Variants in DMXL2 observed in about 807,000 individuals in gnomAD.
The protein encoded by DMXL2 is dmX-like protein 2.
Under a neutral mutation model 331.1 loss-of-function variants are expected in DMXL2, and 103 were observed. That is an observed-to-expected ratio of 0.31 (90% CI 0.27 to 0.37). The LOEUF (loss-of-function observed/expected upper bound fraction) is 0.37. Ranked by LOEUF, DMXL2 falls within the 10% of genes least tolerant of loss-of-function variation. The pLI, the probability that DMXL2 is intolerant of heterozygous loss-of-function variation, is 1.00. For synonymous variants in DMXL2, 1,281 were observed against 1,252.1 expected (o/e 1.02, Z -0.49); for missense variants, 3,171 against 3,642.9 (o/e 0.87, Z 3.33).
intron 1 of DMXL2, among the ~76,000 whole-genome samples, chr15:51,596,163 A>T (rs1011677606): frequency 1.3e-5 from 2 of 152,102 alleles, no homozygotes; most frequent in African/African-American, 2.4e-5. Flanking sequence ...ATTTTCGCAA[A>T]CTACTCATCT....
At position 51,449,073 on chromosome 15, in the gene DMXL2, G is replaced by A; in HGVS notation, c.9088C>T (p.Leu3030Phe). ...MQIDIIQGNR[L>F]FSCGADGTLK... ...GTGCCATCTGCACCACAGGAGAAGA[G>A]CCGATTGCCCTGGATGATGTCAATC... is the stretch of plus-strand genomic sequence containing the variant. The change falls in exon 44 of 44, where the codon CTC becomes TTC. Residue 3030 changes from leucine to phenylalanine, a missense_variant. By Grantham distance (22) the Leu-to-Phe change is conservative. Coordinates refer to ENST00000560891, the MANE Select transcript of DMXL2 (RefSeq NM_001378457.1). The A allele has an allele frequency of 6.2e-7, 1 of 1,614,196 alleles. No individual in the cohort carries two copies. Among genetic ancestry groups the A allele is most frequent in the Non-Finnish European group, 8.5e-7 (1 of 1,180,032 alleles).
rs2039871313 is a variant in DMXL2, at chr15:51,458,763, C to T, written c.8022G>A (p.Lys2674=). 1 of 1,613,982 alleles carries T rather than the reference C, an allele frequency of 6.2e-7. No homozygotes were observed. The highest frequency in any genetic ancestry group is 8.5e-7 in the Non-Finnish European group (1 of 1,179,946). Residue 2674 remains lysine (K), a synonymous_variant, in exon 35 of 44, where the codon AAG becomes AAA. Transcript: ENST00000560891. ...VEADLGYPGG[K]AKVIHKESDM... is the part of the protein sequence containing the mutation. The stretch of plus-strand genomic sequence containing the variant: ...CAGATTCCTTATGGATGACTTTCGC[C>T]TTTCCACCTGGATAGCCCAGATCAG...
intron 1 of DMXL2, among the ~76,000 whole-genome samples, chr15:51,597,564 T>C (rs922903326): frequency 1.4e-4 from 22 of 152,236 alleles, no homozygotes; most frequent in Non-Finnish European, 1.5e-5. Context: ...CTAATGTTGA[T>C]GGACATTTTG....
intron 23 of DMXL2, among the ~76,000 whole-genome samples, chr15:51,485,665 T>C (rs1398036414): frequency 6.6e-6 from 1 of 152,222 alleles, no homozygotes; most frequent in African/African-American, 2.4e-5. Context: ...TTTCAAATTA[T>C]TGAAAACAAT....
intron 1 of DMXL2, among the ~76,000 whole-genome samples, chr15:51,580,572 T>C (rs1293604786): frequency 2.6e-5 from 4 of 152,188 alleles, no homozygotes; most frequent in African/African-American, 7.2e-5. Context: ...CTAACAGTAC[T>C]GACCTATAAA....
intron 3 of DMXL2, chr15:51,567,464 A>G (rs962950501): frequency 6.6e-6 from 1 of 152,210 alleles, no homozygotes; most frequent in African/African-American, 2.4e-5. Flanking sequence ...AAAAATTTTT[A>G]AATAGCAAGA....
intron 1 of DMXL2, among the ~76,000 whole-genome samples, chr15:51,587,428 T>A (rs1008161309): frequency 1.2e-4 from 18 of 152,192 alleles, no homozygotes; most frequent in Non-Finnish European, 2.2e-4. Context: ...GTTTGGTTTT[T>A]TGTCCTTGAG....
In DMXL2 at chr15:51,479,112, G is replaced by A. The variant is rs78519200; in HGVS notation, c.6757-765C>T. Reference sequence around the variant, plus strand: ...CATATGCTTTTTATGCCTTTTCTGCGTGTCCCTATTCACCTAACAAATGAT... The same window carrying A: ...CATATGCTTTTTATGCCTTTTCTGCATGTCCCTATTCACCTAACAAATGAT... On this transcript the variant is annotated intron_variant, in intron 25 of 43. Transcript: ENST00000560891. Among the ~76,000 whole-genome samples, 899 of 152,148 alleles carry A rather than the reference G, an allele frequency of 5.9e-3. 8 individuals are homozygous for A. Among genetic ancestry groups the A allele is most frequent in the African/African-American group, 0.021 (862 of 41,510 alleles).
At chr15:51,582,770 T>C (rs1401195015) in intron 1 of DMXL2, among the ~76,000 whole-genome samples, 1 of 152,156 alleles carries the variant, frequency 6.6e-6, no homozygotes, top group East Asian at 1.9e-4. Flanking sequence ...GCACATAAAA[T>C]GTTTAATATT....
intron 13 of DMXL2, among the ~76,000 whole-genome samples, chr15:51,519,983 AC>A (rs2047264737): frequency 6.6e-6 from 1 of 152,164 alleles, no homozygotes; most frequent in Non-Finnish European, 1.5e-5. Context: ...TATGTTGAGA[AC>A]AGACTTTGAG....
intron 1 of DMXL2, among the ~76,000 whole-genome samples, chr15:51,600,440 G>A (rs1057134892): frequency 3.9e-5 from 6 of 152,136 alleles, no homozygotes; most frequent in South Asian, 2.1e-4. Context: ...GCTTGGTTAA[G>A]AACACCCTGG....
intron 1 of DMXL2, among the ~76,000 whole-genome samples, chr15:51,606,672 A>C (rs1371741643): frequency 6.6e-6 from 1 of 152,224 alleles, no homozygotes; most frequent in Non-Finnish European, 1.5e-5. Context: ...TATTCCTAAA[A>C]GTCTTTTTTC....
At chr15:51,530,055 C>T (rs1195741955) in intron 13 of DMXL2, among the ~76,000 whole-genome samples, 1 of 152,032 alleles carries the variant, frequency 6.6e-6, no homozygotes, top group Non-Finnish European at 1.5e-5. Flanking sequence ...TAAAATTCAA[C>T]AGCCCTTCAT....
chr15:51,542,500 T>G lies in DMXL2; in HGVS notation c.938A>C (p.His313Pro). ...TCCTTTCCTTAAATTTTTCAAATGG[T>G]GTATTGTCTAAAATAGAAAAATAGT... Reference protein sequence around the residue: ...DRIQHALETIHHLKNLRKGQR... With the variant: ...DRIQHALETIPHLKNLRKGQR... The change falls in exon 9 of 44, where the codon CAC becomes CCC. Residue 313 changes from histidine (H) to proline (P), a missense_variant. Physicochemically the swap from His to Pro is moderately conservative, Grantham distance 77 (BLOSUM62 -2). This residue lies in a region of DMXL2 where 1,674 missense variants were observed against 1,780.2 expected (regional missense o/e 0.94). Transcript: ENST00000560891. 1 of 1,612,194 alleles carries G rather than the reference T, an allele frequency of 6.2e-7. No homozygotes were observed. Among genetic ancestry groups the G allele is most frequent in the Non-Finnish European group, 8.5e-7 (1 of 1,178,880 alleles).
intron 1 of DMXL2, among the ~76,000 whole-genome samples, chr15:51,607,195 G>A (rs531064473): frequency 9.6e-4 from 146 of 152,014 alleles, no homozygotes; most frequent in African/African-American, 3.3e-3. Flanking sequence ...GGTGGCTCAC[G>A]TCTGTAATCC....
At chr15:51,480,243 G>T in intron 24 of DMXL2, 104 bp from the exon 25 acceptor site, 1 of 1,164,716 alleles carries the variant, frequency 8.6e-7, no homozygotes, top group Non-Finnish European at 1.2e-6. Flanking sequence ...GAATATGTTC[G>T]CTCACTCATT....
At chr15:51,477,053 G>A (rs1025324379) in intron 26 of DMXL2, among the ~76,000 whole-genome samples, 10 of 151,994 alleles carry the variant, frequency 6.6e-5, no homozygotes, top group African/African-American at 2.2e-4. Flanking sequence ...GGAGACTACT[G>A]CTGGTACTAG....
intron 1 of DMXL2, among the ~76,000 whole-genome samples, chr15:51,580,909 T>TA (rs1273921878): frequency 2.0e-5 from 3 of 152,174 alleles, no homozygotes; most frequent in African/African-American, 7.2e-5. Context: ...ACATTGAAAC[T>TA]AAAAGTTTTC....
At position 51,517,693 on chromosome 15, in the gene DMXL2, G is replaced by C. The variant is rs1260349321; in HGVS notation, c.2437-526C>G. Among the ~76,000 whole-genome samples the C allele has an allele frequency of 3.9e-5, 6 of 152,170 alleles. No individual in the cohort carries two copies. The East Asian group carries it at 1.2e-3, about 29-fold the overall frequency. On this transcript the variant is annotated intron_variant, in intron 13 of 43. Transcript: ENST00000560891. The stretch of plus-strand genomic sequence containing the variant: ...CTTTCTCTTGCATAAAAACCTTTCA[G>C]TAACTTCATCTGAAACGGTTGCCTC...
Sources: gnomAD v4.1 joint callset for allele counts (sites outside exome capture counted in the v4.1 genomes callset) on GRCh38, gnomAD v4.1.1 for gene constraint, gnomAD v4.1.1 regional missense constraint, MANE v1.5 for transcripts, NCBI Gene and HGNC (gene_info 2026-07-23, HGNC 2026-07-21) for gene names.